The following TRIM5 variants were observed in gnomAD, a reference collection of about 807,000 sequenced individuals.
TRIM5 encodes tripartite motif-containing protein 5.
A neutral mutation model predicts 35.6 loss-of-function variants in TRIM5; 31 were observed. That is an observed-to-expected ratio of 0.87 (90% CI 0.65 to 1.18). TRIM5 has a LOEUF of 1.18. TRIM5 is among the 50% of genes most tolerant of loss of function. The pLI is 0.00. For missense variants in TRIM5, 609 were observed against 591.6 expected, an observed-to-expected ratio of 1.03 and a Z score of -0.31; for synonymous variants, 243 against 215.6, an observed-to-expected ratio of 1.13 and a Z score of -1.11.
chr11:5,633,450 T>C, the TRIM5 span, among the ~76,000 whole-genome samples: 1 of 152,218 alleles, frequency 6.6e-6, no homozygotes, highest in South Asian at 2.1e-4. Flanking sequence ...GATAAATTCC[T>C]TCCCAAAGTT....
chr11:5,620,609 C>G, the TRIM5 span, among the ~76,000 whole-genome samples: 2 of 152,154 alleles, frequency 1.3e-5, no homozygotes, highest in Admixed American at 1.3e-4. Context: ...TAGTAATTCT[C>G]TTTCTTTGGA....
chr11:5,625,533 G>C, the TRIM5 span, among the ~76,000 whole-genome samples: 1 of 152,138 alleles, frequency 6.6e-6, no homozygotes, highest in Non-Finnish European at 1.5e-5. Flanking sequence ...AGATAGAATG[G>C]AGCCATGGGA....
At chr11:5,635,468 G>C in the TRIM5 span, among the ~76,000 whole-genome samples, 1 of 152,034 alleles carries the variant, frequency 6.6e-6, no homozygotes, top group Non-Finnish European at 1.5e-5. Flanking sequence ...GTGCTAGCCA[G>C]TATGGTATTA....
At chr11:5,606,955 G>C in the TRIM5 span, among the ~76,000 whole-genome samples, 24 of 152,328 alleles carry the variant, frequency 1.6e-4, no homozygotes, top group South Asian at 4.8e-3. Context: ...TGTAATCCCA[G>C]CACTTTGGGA....
At chr11:5,616,274 T>C in the TRIM5 span, among the ~76,000 whole-genome samples, 50 of 133,110 alleles carry the variant, frequency 3.8e-4, 4 homozygotes, top group East Asian at 6.6e-3. Context: ...TTTAAACTAT[T>C]TGTGTCTTCG....
the TRIM5 span, among the ~76,000 whole-genome samples, chr11:5,635,405 C>T: frequency 6.6e-6 from 1 of 152,030 alleles, no homozygotes; most frequent in African/African-American, 2.4e-5. Flanking sequence ...CAGGCACCCA[C>T]CACCACGTCT....
chr11:5,588,650 T>A, the TRIM5 span, among the ~76,000 whole-genome samples: 5 of 151,634 alleles, frequency 3.3e-5, no homozygotes, highest in African/African-American at 1.2e-4. Flanking sequence ...TTATACTAAT[T>A]TTATTAATGA....
At chr11:5,639,713 G>C in the TRIM5 span, among the ~76,000 whole-genome samples, 1 of 119,904 alleles carries the variant, frequency 8.3e-6, no homozygotes, top group Non-Finnish European at 1.8e-5. Flanking sequence ...AAAAAGATTG[G>C]AAGAGGTTGC....
chr11:5,668,026 T>C (rs183964665), intron 4 of TRIM5, among the ~76,000 whole-genome samples: 22 of 152,284 alleles, frequency 1.4e-4, no homozygotes, highest in Middle Eastern at 3.4e-3. Context: ...CTCCATGAAA[T>C]GATTTAAATA....
At chr11:5,597,459 A>G in the TRIM5 span, among the ~76,000 whole-genome samples, 3 of 152,208 alleles carry the variant, frequency 2.0e-5, no homozygotes, top group Non-Finnish European at 4.4e-5. Flanking sequence ...GAAACTGATT[A>G]TGTTCCAATT....
the TRIM5 span, among the ~76,000 whole-genome samples, chr11:5,591,364 G>T: frequency 1.3e-5 from 2 of 152,162 alleles, no homozygotes; most frequent in Non-Finnish European, 2.9e-5. Context: ...AGAAGAAATG[G>T]TTAGCCGGGC....
At chr11:5,599,630 C>G in the TRIM5 span, among the ~76,000 whole-genome samples, 1 of 152,168 alleles carries the variant, frequency 6.6e-6, no homozygotes, top group East Asian at 1.9e-4. Context: ...GTCTCGATCT[C>G]CTGACCTTGT....
chr11:5,603,209 T>C, the TRIM5 span: 1 of 1,592,468 alleles, frequency 6.3e-7, no homozygotes, highest in Non-Finnish European at 8.6e-7. Flanking sequence ...CCCTCCTTTC[T>C]TACCCTGATC....
chr11:5,632,799 G>T, the TRIM5 span: 1 of 1,483,036 alleles, frequency 6.7e-7, no homozygotes, highest in South Asian at 1.4e-5. Flanking sequence ...ATGGTAGTTG[G>T]TGGAAAATCT....
chr11:5,613,611 A>G, the TRIM5 span, among the ~76,000 whole-genome samples: 3 of 152,208 alleles, frequency 2.0e-5, no homozygotes, highest in Non-Finnish European at 4.4e-5. Flanking sequence ...GATCTGCTGG[A>G]GTAGTTATCC....
chr11:5,648,239 G>T, the TRIM5 span, among the ~76,000 whole-genome samples: 2 of 152,120 alleles, frequency 1.3e-5, no homozygotes, highest in Non-Finnish European at 2.9e-5. Context: ...GGGCGCGGTG[G>T]CTTACACCTG....
At chr11:5,622,634 CAAAT>C in the TRIM5 span, among the ~76,000 whole-genome samples, 1 of 83,762 alleles carries the variant, frequency 1.2e-5, no homozygotes, top group Non-Finnish European at 2.1e-5. Flanking sequence ...AACAAACAAA[CAAAT>C]AAAAAAAACC....
intron 4 of TRIM5, chr11:5,677,968 G>C (rs771002806): frequency 5.0e-6 from 2 of 397,524 alleles, no homozygotes; most frequent in Non-Finnish European, 9.0e-6. Context: ...CATGACTAGA[G>C]CTAATTGATC....
At chr11:5,615,772 T>TGG in the TRIM5 span, among the ~76,000 whole-genome samples, 1 of 151,906 alleles carries the variant, frequency 6.6e-6, no homozygotes, top group Admixed American at 6.6e-5. Flanking sequence ...ATTGTATTTT[T>TGG]AGTAGAGACG....
Sources: gnomAD v4.1 joint callset for allele counts (sites outside exome capture counted in the v4.1 genomes callset) on GRCh38, gnomAD v4.1.1 for gene constraint, MANE v1.5 for transcripts, NCBI Gene and HGNC (gene_info 2026-07-23, HGNC 2026-07-21) for gene names.